The following PAPPA2 variants were observed in gnomAD, a reference collection of about 807,000 sequenced individuals.
PAPPA2 encodes pappalysin 2, also known as pappalysin-2.
PAPPA2 carries 86 observed loss-of-function variants against 176.4 expected under a neutral mutation model. The observed-to-expected ratio is 0.49, with a 90% CI of 0.41 to 0.58. The LOEUF is 0.58. PAPPA2 is among the 20% of genes least tolerant of loss of function. The probability of loss-of-function intolerance (pLI) is 0.00; values close to 1 mark genes in which losing one functional copy is unlikely to be tolerated. For synonymous variants in PAPPA2, 809 were observed against 852.2 expected (o/e 0.95, Z 0.88); for missense variants, 2,073 against 2,256.9 (o/e 0.92, Z 1.65).
intron 3 of PAPPA2, among the ~76,000 whole-genome samples, chr1:176,634,341 C>CA (rs139238916): frequency 0.25 from 37,902 of 151,826 alleles, 4,868 homozygotes; most frequent in South Asian, 0.33. Context: ...ATGGCAAGGA[C>CA]AAAAAACCAA....
chr1:176,644,323 G>A (rs946816010), intron 3 of PAPPA2, among the ~76,000 whole-genome samples: 2 of 151,776 alleles, frequency 1.3e-5, no homozygotes, highest in African/African-American at 4.8e-5. Flanking sequence ...AAGAGCTTTG[G>A]TGGATTTAGT....
In PAPPA2 at chr1:176,793,550, G is replaced by T; in HGVS notation, c.5021-10G>T. The T allele has an allele frequency of 6.3e-7, 1 of 1,594,068 alleles. No homozygotes were observed. On this transcript the variant is annotated splice_polypyrimidine_tract_variant and intron_variant, in intron 19 of 22. Coordinates refer to ENST00000367662, the MANE Select transcript of PAPPA2 (RefSeq NM_020318.3). ...GTTCAAGTCTCTGCTGTAAACTTCT[G>T]TTCTTTCAGGTGCAGTGTGTTCCCC...
intron 21 of PAPPA2, among the ~76,000 whole-genome samples, chr1:176,825,415 T>C (rs1666819676): frequency 6.6e-6 from 1 of 152,232 alleles, no homozygotes; most frequent in African/African-American, 2.4e-5. Flanking sequence ...TTTCATATCT[T>C]GCCTTATTCT....
intron 12 of PAPPA2, among the ~76,000 whole-genome samples, chr1:176,717,399 G>A (rs975359643): frequency 7.2e-5 from 11 of 152,154 alleles, no homozygotes; most frequent in Middle Eastern, 3.2e-3. Context: ...ATATAGTTCC[G>A]AAAACTCCTT....
chr1:176,685,833 C>G (rs1420237144), intron 4 of PAPPA2, among the ~76,000 whole-genome samples: 1 of 152,206 alleles, frequency 6.6e-6, no homozygotes, highest in Non-Finnish European at 1.5e-5. Flanking sequence ...GGCAACACAT[C>G]TTTATGCCTC....
chr1:176,595,386 C>T lies in PAPPA2; in HGVS notation c.1782C>T (p.Asp594=). The change falls in exon 3 of 23, where the codon GAC becomes GAT. Residue 594 remains aspartate (D), a synonymous_variant. Coordinates refer to ENST00000367662, the MANE Select transcript of PAPPA2 (RefSeq NM_020318.3). ...VNCEPSKIGN[D]HCDPECEHPL... ...GTGAGCCCAGCAAGATTGGCAATGA[C>T]CATTGTGACCCCGAGTGTGAGCACC... 6.2e-7 allele frequency: 1 copy of T among 1,614,204 alleles called. No homozygotes were observed.
At chr1:176,736,712 TC>T (rs1558552158) in intron 12 of PAPPA2, among the ~76,000 whole-genome samples, 1 of 150,828 alleles carries the variant, frequency 6.6e-6, no homozygotes, top group African/African-American at 2.4e-5. Flanking sequence ...AGTTTCTATG[TC>T]CTTATGTACA....
chr1:176,549,907 GT>G (rs1366908841), intron 1 of PAPPA2, among the ~76,000 whole-genome samples: 1 of 152,184 alleles, frequency 6.6e-6, no homozygotes, highest in Non-Finnish European at 1.5e-5. Flanking sequence ...AGTTCTTTGA[GT>G]TTTGACAAAT....
chr1:176,616,072 T>TGA (rs1224418628), intron 3 of PAPPA2, among the ~76,000 whole-genome samples: 1 of 152,190 alleles, frequency 6.6e-6, no homozygotes, highest in Non-Finnish European at 1.5e-5. Context: ...TTTTGCCAAA[T>TGA]GTCTAAATAG....
intron 3 of PAPPA2, among the ~76,000 whole-genome samples, chr1:176,653,051 C>G (rs1657827100): frequency 6.6e-6 from 1 of 151,714 alleles, no homozygotes; most frequent in African/African-American, 2.4e-5. Flanking sequence ...GATGTCACTT[C>G]TTAGTCACTT....
intron 16 of PAPPA2, among the ~76,000 whole-genome samples, chr1:176,770,740 A>G (rs1273170519): frequency 1.3e-5 from 2 of 152,210 alleles, no homozygotes; most frequent in African/African-American, 4.8e-5. Flanking sequence ...GGGTCAAGAA[A>G]GATTTATCTG....
intron 1 of PAPPA2, among the ~76,000 whole-genome samples, chr1:176,532,598 G>T (rs1217374911): frequency 1.3e-5 from 2 of 152,110 alleles, no homozygotes. Context: ...TACCCTTCCT[G>T]GGTACTCACC....
intron 3 of PAPPA2, among the ~76,000 whole-genome samples, chr1:176,656,953 A>G (rs545696760): frequency 6.6e-6 from 1 of 151,804 alleles, no homozygotes; most frequent in Non-Finnish European, 1.5e-5. Flanking sequence ...AGGGGGACAT[A>G]CTCATTAATT....
chr1:176,800,830 G>A (rs921758783), intron 21 of PAPPA2, among the ~76,000 whole-genome samples: 8 of 152,034 alleles, frequency 5.3e-5, no homozygotes, highest in Non-Finnish European at 1.0e-4. Context: ...CAATCTCTTA[G>A]GTAGACCTGT....
chr1:176,692,023 A>G, intron 5 of PAPPA2, 103 bp from the exon 6 acceptor site: 2 of 1,114,208 alleles, frequency 1.8e-6, no homozygotes, highest in Non-Finnish European at 1.3e-6. Flanking sequence ...ATTGAGCCTA[A>G]TAAGTTAACT....
At chr1:176,543,549 C>T (rs1456928746) in intron 1 of PAPPA2, among the ~76,000 whole-genome samples, 1 of 152,024 alleles carries the variant, frequency 6.6e-6, no homozygotes, top group Non-Finnish European at 1.5e-5. Flanking sequence ...TTTAGCTCAG[C>T]TTCTTATTCA....
chr1:176,581,922 CTTTTTTT>C (rs538920194), intron 2 of PAPPA2, among the ~76,000 whole-genome samples: 15 of 80,996 alleles, frequency 1.9e-4, no homozygotes, highest in African/African-American at 8.7e-4. Flanking sequence ...TTCTTTCTTT[CTTTTTTT>C]TTTTTTTTTT....
chr1:176,521,740 AG>A (rs1344966466), intron 1 of PAPPA2, among the ~76,000 whole-genome samples: 1 of 152,166 alleles, frequency 6.6e-6, no homozygotes, highest in Non-Finnish European at 1.5e-5. Flanking sequence ...CAACAAGGGA[AG>A]GGGGGAAAGT....
chr1:176,663,889 A>G (rs952010441), intron 3 of PAPPA2, among the ~76,000 whole-genome samples: 4 of 152,076 alleles, frequency 2.6e-5, no homozygotes, highest in Non-Finnish European at 4.4e-5. Flanking sequence ...AAGTATCTGT[A>G]TGTGACGAGT....
Sources: allele counts gnomAD v4.1 joint callset (sites outside exome capture counted in the v4.1 genomes callset), GRCh38; gene constraint gnomAD v4.1.1; transcripts MANE v1.5; gene names NCBI Gene and HGNC (gene_info 2026-07-23, HGNC 2026-07-21).